Variants in MMP2 observed in about 807,000 individuals in gnomAD.
MMP2 encodes matrix metallopeptidase 2, also known as 72 kDa type IV collagenase.
A neutral mutation model predicts 74.8 loss-of-function variants in MMP2; 39 were observed. The ratio of observed to expected loss-of-function variants is 0.52; its 90% CI spans 0.40 to 0.68. The LOEUF (loss-of-function observed/expected upper bound fraction) is 0.68. MMP2 is among the 30% of genes least tolerant of loss of function. The pLI is 0.00. For synonymous variants in MMP2, 367 were observed against 339.8 expected, an observed-to-expected ratio of 1.08 and a Z score of -0.88; for missense variants, 803 against 878.3, an observed-to-expected ratio of 0.91 and a Z score of 1.08.
In MMP2 at chr16:55,502,887, C is replaced by T. The variant is rs377124964; in HGVS notation, c.1878C>T (p.Gly626=). Residue 626 remains glycine, a splice_region_variant and synonymous_variant, in exon 12 of 13, where the codon GGC becomes GGT. Coordinates refer to ENST00000219070, the MANE Select transcript of MMP2 (RefSeq NM_004530.6). The part of the protein sequence containing the change: ...NLDAVVDLQG[G]GHSYFFKGAY... ...ATGCCGTCGTGGACCTGCAGGGCGG[C>T]GGTGAGCCACCCAGGACTGTCTCCG... 45 of 1,612,414 alleles carry T rather than the reference C, an allele frequency of 2.8e-5. No individual in the cohort carries two copies. Among genetic ancestry groups the T allele is most frequent in the South Asian group, 9.9e-5 (9 of 91,048 alleles).
At chr16:55,493,370 C>T in intron 9 of MMP2, 77 bp downstream of exon 9, 1 of 1,594,644 alleles carries the variant, frequency 6.3e-7, no homozygotes, top group Admixed American at 1.7e-5. Context: ...TTCCCTCACT[C>T]TTCGCTGAAG....
Position 55,479,343 on chromosome 16 carries a change from A to T in MMP2, c.-137A>T. 9.2e-7 allele frequency: 1 copy of T among 1,090,910 alleles called. No homozygotes were observed. The highest frequency in any genetic ancestry group is 3.4e-5 in the East Asian group (1 of 29,128). 67.6% of individuals were successfully genotyped at this position (1,090,910 alleles called of 1,614,324 possible). The stretch of plus-strand genomic sequence containing the variant: ...CGGACCATGAGCCGCTGAGCCGGGC[A>T]AACCCCAGGCCACCGAGCCAGCGGA... On this transcript the variant is annotated 5_prime_UTR_variant, in exon 1 of 13. Coordinates refer to ENST00000219070, the MANE Select transcript of MMP2 (RefSeq NM_004530.6).
chr16:55,492,192 G>A (rs1039842876), intron 8 of MMP2, among the ~76,000 whole-genome samples: 1 of 152,084 alleles, frequency 6.6e-6, no homozygotes, highest in Non-Finnish European at 1.5e-5. Context: ...CACTCTTAGC[G>A]CTCCATTTCT....
chr16:55,489,511 G>A (rs1962347177), intron 6 of MMP2, 140 bp from the exon 7 acceptor site: 1 of 1,014,834 alleles, frequency 9.9e-7, no homozygotes, highest in African/African-American at 1.6e-5. Flanking sequence ...TCAGGGGTGG[G>A]TGAGATGAGT....
At position 55,479,542 on chromosome 16, in the gene MMP2, C is replaced by A; in HGVS notation, c.63C>A (p.Gly21=). The part of the protein sequence containing the change: ...TGPLRALCLL[G]CLLSHAAAAP... Reference sequence around the variant, plus strand: ...CCCTGAGGGCGCTCTGTCTCCTGGGCTGCCTGCTGAGCCACGCCGCCGCCG... The same window carrying A: ...CCCTGAGGGCGCTCTGTCTCCTGGGATGCCTGCTGAGCCACGCCGCCGCCG... The change falls in exon 1 of 13, where the codon GGC becomes GGA. Residue 21 remains glycine (G), a synonymous_variant. Coordinates refer to ENST00000219070, the MANE Select transcript of MMP2 (RefSeq NM_004530.6). The A allele has an allele frequency of 1.2e-6, 2 of 1,611,564 alleles. No homozygotes were observed. Among genetic ancestry groups the A allele is most frequent in the Non-Finnish European group, 1.7e-6 (2 of 1,179,362 alleles).
At chr16:55,486,347 CTGTGTGTGTGTGTGTGTG>C (rs57608135) in intron 5 of MMP2, among the ~76,000 whole-genome samples, 40,385 of 137,738 alleles carry the variant, frequency 0.29, 6,162 homozygotes, top group Admixed American at 0.38. Flanking sequence ...GTGTGTGTGC[CTGTGTGTGTGTGTGTGTG>C]TGTGTGTGTG....
At chr16:55,504,721 T>C (rs1962753447) in intron 12 of MMP2, among the ~76,000 whole-genome samples, 1 of 151,310 alleles carries the variant, frequency 6.6e-6, no homozygotes, top group African/African-American at 2.4e-5. Context: ...GGCGCGATCT[T>C]GGCTCACTGC....
At chr16:55,502,621 A>T (rs1277936694) in intron 11 of MMP2, among the ~76,000 whole-genome samples, 158 bp from the exon 12 acceptor site, 1 of 152,176 alleles carries the variant, frequency 6.6e-6, no homozygotes, top group Non-Finnish European at 1.5e-5. Flanking sequence ...GTCTGATTCC[A>T]TGCCCTTCCT....
intron 11 of MMP2, among the ~76,000 whole-genome samples, chr16:55,499,141 C>A (rs917826814): frequency 6.9e-6 from 1 of 144,180 alleles, no homozygotes; most frequent in African/African-American, 2.5e-5. Context: ...TGCACTCCAG[C>A]CTGGGCAACA....
intron 5 of MMP2, chr16:55,487,950 A>C (rs1353637282): frequency 6.5e-6 from 1 of 153,896 alleles, no homozygotes; most frequent in African/African-American, 2.4e-5. Flanking sequence ...ACAGGAGGTA[A>C]AGCAAGCTTT....
chr16:55,488,619 C>T lies in MMP2; in HGVS notation c.909C>T (p.Asp303=), dbSNP rs1468281902. The change falls in exon 6 of 13, where the codon GAC becomes GAT. Residue 303 remains aspartate, a synonymous_variant. Coordinates refer to ENST00000219070, the MANE Select transcript of MMP2 (RefSeq NM_004530.6). ...FPFRFQGTSY[D]SCTTEGRTDG... ...TCCGCTTCCAGGGCACATCCTATGA[C>T]AGCTGCACCACTGAGGGCCGCACGG... 3 of 1,613,872 alleles carry T rather than the reference C, an allele frequency of 1.9e-6. No homozygotes were observed. In the Admixed American group the frequency reaches 5.0e-5, roughly 27 times the overall value.
Position 55,491,790 on chromosome 16 carries a change from G to A in MMP2, c.1181-11G>A, listed in dbSNP as rs752011773. 10 of 1,614,124 alleles carry A rather than the reference G, an allele frequency of 6.2e-6. No individual in the cohort carries two copies. The South Asian group carries it at 1.1e-4, about 18-fold the overall frequency. On this transcript the variant is annotated splice_polypyrimidine_tract_variant and intron_variant, in intron 7 of 12. Transcript: ENST00000219070. ...TGTCTTTCAACCCTCTCTCCTCCCT[G>A]CAACCCTCAGGGTACAGCCTGTTCC...
Position 55,479,633 on chromosome 16 carries a change from G to T in MMP2, c.153+1G>T. On this transcript the variant is annotated splice_donor_variant, in intron 1 of 12. Transcript: ENST00000219070. LOFTEE classifies it high-confidence loss of function. ...CAAAACGGACAAAGAGTTGGCAGTG[G>T]TGAGTTGCTGCGCTGGCCTCAAGGA... 1 of 1,613,762 alleles carries T rather than the reference G, an allele frequency of 6.2e-7. No individual in the cohort carries two copies. The highest frequency in any genetic ancestry group is 8.5e-7 in the Non-Finnish European group (1 of 1,180,002).
In MMP2 at chr16:55,492,065, G is replaced by T. The variant is rs990632905; in HGVS notation, c.1336+109G>T. 7.2e-6 allele frequency: 8 copies of T among 1,118,570 alleles called. No homozygotes were observed. In the Admixed American group the frequency reaches 1.7e-4, roughly 23 times the overall value. The allele number at this position is 1,118,570 out of a possible 1,614,324, so 69.3% of individuals were successfully genotyped here. ...CCAGCAAGATCTCATCCAGCCAGGA[G>T]TGCTGGAGACGAGGGCAGGAAATGG... On this transcript the variant is annotated intron_variant, in intron 8 of 12. Coordinates refer to ENST00000219070, the MANE Select transcript of MMP2 (RefSeq NM_004530.6).
upstream of MMP2, chr16:55,479,095 CAG>C (rs1962028304): frequency 1.7e-5 from 2 of 119,386 alleles, no homozygotes; most frequent in Non-Finnish European, 3.3e-5. Context: ...GGGGGTGGGG[CAG>C]AGAGGGGCGG....
chr16:55,505,796 A>G lies in MMP2; in HGVS notation c.*354A>G. ...TTCACAACCTTCTGTGGCTCACAGA[A>G]CCCTTGGAGCCAATGGAGACTGTCT... On this transcript the variant is annotated 3_prime_UTR_variant, in exon 13 of 13. Transcript: ENST00000219070. 1 of 355,200 alleles carries G rather than the reference A, an allele frequency of 2.8e-6. No individual in the cohort carries two copies. Among genetic ancestry groups the G allele is most frequent in the South Asian group, 2.7e-5 (1 of 37,286 alleles). 22.0% of individuals were successfully genotyped at this position (355,200 alleles called of 1,614,324 possible).
intron 1 of MMP2, 98 bp from the exon 2 acceptor site, chr16:55,482,811 T>C: frequency 9.8e-7 from 1 of 1,024,458 alleles, no homozygotes; most frequent in Middle Eastern, 2.4e-4. Flanking sequence ...GTCTGGACTA[T>C]GGCACTGGGT....
rs1368826679 is a variant in MMP2, at chr16:55,486,346, CCTGTGTGT to C, written c.832+570_832+577del. 1.0e-2 allele frequency among the ~76,000 whole-genome samples: 437 copies of C among 43,784 alleles called. 1 individual carries two copies. Among genetic ancestry groups the C allele is most frequent in the Middle Eastern group, 0.037 (3 of 80 alleles). The allele number at this position is 43,784 out of a possible 152,430, so 28.7% of individuals were successfully genotyped here. ...GCGTGTGTGTGTGTGTGTGTGTGTGCCTGTGTGTGTGTGTGTGTGTGTGTGTGTGTGTG... is the reference window on the plus strand; with the variant it reads ...GCGTGTGTGTGTGTGTGTGTGTGTGCGTGTGTGTGTGTGTGTGTGTGTGTG... On this transcript the variant is annotated intron_variant, in intron 5 of 12. Transcript: ENST00000219070.
rs1053693844 is a variant in MMP2, at chr16:55,506,574, C to G, written c.*1132C>G. Reference sequence around the variant, plus strand: ...CAATGAACAGTAACAATAATATCCCCCTCAATTAATAGAGTGCTTTCTATG... The same window carrying G: ...CAATGAACAGTAACAATAATATCCCGCTCAATTAATAGAGTGCTTTCTATG... On this transcript the variant is annotated 3_prime_UTR_variant, in exon 13 of 13. Transcript: ENST00000219070. 6.6e-6 allele frequency: 1 copy of G among 152,218 alleles called. No homozygotes were observed. Among genetic ancestry groups the G allele is most frequent in the Non-Finnish European group, 1.5e-5 (1 of 68,050 alleles). 9.4% of individuals were successfully genotyped at this position (152,218 alleles called of 1,614,324 possible).
Sources: allele counts gnomAD v4.1 joint callset (sites outside exome capture counted in the v4.1 genomes callset), GRCh38; gene constraint gnomAD v4.1.1; transcripts MANE v1.5; gene names NCBI Gene and HGNC (gene_info 2026-07-23, HGNC 2026-07-21).